VAV2: variants seen among roughly 807,000 people sequenced by gnomAD.
VAV2 encodes vav guanine nucleotide exchange factor 2.
A neutral mutation model predicts 132.5 loss-of-function variants in VAV2; 67 were observed. That is an observed-to-expected ratio of 0.51 (90% CI 0.42 to 0.62). The LOEUF (loss-of-function observed/expected upper bound fraction) is 0.62. Among genes scored for constraint, VAV2 ranks in the 20% least tolerant of loss-of-function variants. VAV2 has a pLI of 0.00. For missense variants in VAV2, 938 were observed against 1,153.6 expected, an observed-to-expected ratio of 0.81 and a Z score of 2.71; for synonymous variants, 492 against 443.5, an observed-to-expected ratio of 1.11 and a Z score of -1.37.
chr9:133,957,408 T>C (rs1030559668), intron 1 of VAV2, among the ~76,000 whole-genome samples: 1 of 152,182 alleles, frequency 6.6e-6, no homozygotes, highest in Non-Finnish European at 1.5e-5. Flanking sequence ...CTCTTGACTC[T>C]GGGTTTTTAG....
intron 20 of VAV2, among the ~76,000 whole-genome samples, chr9:133,780,306 T>C (rs1833963156): frequency 6.6e-6 from 1 of 152,196 alleles, no homozygotes; most frequent in Non-Finnish European, 1.5e-5. Context: ...GGCTGGTTCA[T>C]GTGGACCCCA....
At chr9:133,949,933 C>T (rs1841499411) in intron 1 of VAV2, among the ~76,000 whole-genome samples, 1 of 152,240 alleles carries the variant, frequency 6.6e-6, no homozygotes, top group African/African-American at 2.4e-5. Flanking sequence ...TCCTGTGCAG[C>T]CTGATTTCCA....
At chr9:133,774,699 C>CA (rs1564332362) in intron 25 of VAV2, among the ~76,000 whole-genome samples, 1 of 152,194 alleles carries the variant, frequency 6.6e-6, no homozygotes, top group East Asian at 1.9e-4. Context: ...ACAGGGCAGC[C>CA]AGGAGTGATG....
At position 133,766,759 on chromosome 9, in the gene VAV2, A is replaced by AATAAAT. The variant is rs1554767605; in HGVS notation, c.2589+1682_2589+1683insATTTAT. On this transcript the variant is annotated intron_variant, in intron 29 of 29. Coordinates refer to ENST00000371850, the MANE Select transcript of VAV2 (RefSeq NM_001134398.2). The stretch of plus-strand genomic sequence containing the variant: ...TACCCTAGAACTTAAAGTATAAATA[A>AATAAAT]ATATATATATATATATATATATATA... Among the ~76,000 whole-genome samples, 85 of 112,110 alleles carry AATAAAT rather than the reference A, an allele frequency of 7.6e-4. 1 individual carries two copies. Among genetic ancestry groups the AATAAAT allele is most frequent in the South Asian group, 1.2e-3 (4 of 3,406 alleles). 73.5% of individuals were successfully genotyped at this position (112,110 alleles called of 152,430 possible). A position where few individuals can be genotyped will look rare whatever the true frequency, so the allele number is the denominator to read the frequency against.
At chr9:133,895,210 T>C (rs538286666) in intron 2 of VAV2, among the ~76,000 whole-genome samples, 1 of 152,054 alleles carries the variant, frequency 6.6e-6, no homozygotes, top group South Asian at 2.1e-4. Flanking sequence ...GGCTGGGCTC[T>C]ATGGAGATCT....
At chr9:133,806,787 A>G (rs1835165357) in intron 8 of VAV2, among the ~76,000 whole-genome samples, 1 of 152,216 alleles carries the variant, frequency 6.6e-6, no homozygotes, top group Non-Finnish European at 1.5e-5. Flanking sequence ...CAGGAGCAGC[A>G]TGTCCCCGGA....
intron 1 of VAV2, among the ~76,000 whole-genome samples, chr9:133,968,097 A>G (rs1842207651): frequency 6.6e-6 from 1 of 152,172 alleles, no homozygotes. Context: ...GGGGGCAAAC[A>G]TGCAATTAGA....
intron 4 of VAV2, among the ~76,000 whole-genome samples, chr9:133,814,401 C>T (rs1835476121): frequency 6.6e-6 from 1 of 152,210 alleles, no homozygotes; most frequent in South Asian, 2.1e-4. Context: ...CGTCACGTGG[C>T]AGAGCGAGGC....
chr9:133,786,208 CGT>C (rs1310668983), intron 16 of VAV2, among the ~76,000 whole-genome samples: 25 of 152,342 alleles, frequency 1.6e-4, no homozygotes, highest in African/African-American at 4.1e-4. Context: ...TGCCTGCACG[CGT>C]GTCTATGCGT....
chr9:133,900,059 C>T (rs1839381508), intron 2 of VAV2, among the ~76,000 whole-genome samples: 1 of 150,318 alleles, frequency 6.7e-6, no homozygotes, highest in African/African-American at 2.4e-5. Context: ...AATAGCTGGG[C>T]ATAGTGGCAC....
At chr9:133,876,537 C>T (rs975837718) in intron 2 of VAV2, among the ~76,000 whole-genome samples, 17 of 152,248 alleles carry the variant, frequency 1.1e-4, no homozygotes, top group African/African-American at 4.1e-4. Context: ...CACAGGGGAC[C>T]AAAGAGCGGA....
intron 23 of VAV2, among the ~76,000 whole-genome samples, chr9:133,776,585 TA>T (rs1230820758): frequency 1.7e-4 from 26 of 152,178 alleles, no homozygotes; most frequent in African/African-American, 5.1e-4. Context: ...CCTCGCACCC[TA>T]TTCACCATGC....
At chr9:133,856,455 GCCCCCCACCGGGACCCCA>G in intron 3 of VAV2, among the ~76,000 whole-genome samples, 1 of 151,492 alleles carries the variant, frequency 6.6e-6, no homozygotes, top group African/African-American at 2.4e-5. Flanking sequence ...GCTGGTATGT[GCCCCCCACCGGGACCCCA>G]TGCTGGTATG....
intron 2 of VAV2, among the ~76,000 whole-genome samples, chr9:133,915,136 G>A (rs1840031338): frequency 6.6e-6 from 1 of 152,102 alleles, no homozygotes; most frequent in African/African-American, 2.4e-5. Flanking sequence ...CCTGGCTCAG[G>A]GAGTTCACAC....
intron 9 of VAV2, among the ~76,000 whole-genome samples, chr9:133,800,432 T>C (rs932668160): frequency 1.3e-5 from 2 of 152,170 alleles, no homozygotes; most frequent in African/African-American, 4.8e-5. Flanking sequence ...CGAGGGGTCC[T>C]GCCCGCATGG....
chr9:133,950,144 A>G (rs868863798), intron 1 of VAV2, among the ~76,000 whole-genome samples: 2 of 152,248 alleles, frequency 1.3e-5, no homozygotes, highest in Non-Finnish European at 2.9e-5. Flanking sequence ...CTGGCTGCCC[A>G]GCAACCCCTG....
At position 133,968,272 on chromosome 9, in the gene VAV2, T is replaced by C. The variant is rs149395671; in HGVS notation, c.204+23803A>G. On this transcript the variant is annotated intron_variant, in intron 1 of 29. Coordinates refer to ENST00000371850, the MANE Select transcript of VAV2 (RefSeq NM_001134398.2). ...CATCCTAATGACCCTCATTTCATCATTACACACGGTATATGTGTATTAAAG... is the reference window on the plus strand; with the variant it reads ...CATCCTAATGACCCTCATTTCATCACTACACACGGTATATGTGTATTAAAG... Among the ~76,000 whole-genome samples the C allele has an allele frequency of 1.2e-4, 19 of 152,260 alleles. 1 individual carries two copies. The highest frequency in any genetic ancestry group is 3.4e-3 in the Middle Eastern group (1 of 294).
At position 133,824,287 on chromosome 9, in the gene VAV2, C is replaced by T. The variant is rs1021786950; in HGVS notation, c.449+9985G>A. Among the ~76,000 whole-genome samples the T allele has an allele frequency of 3.9e-5, 6 of 152,210 alleles. No homozygotes were observed. The highest frequency in any genetic ancestry group is 7.2e-5 in the African/African-American group (3 of 41,526). On this transcript the variant is annotated intron_variant, in intron 4 of 29. Coordinates refer to ENST00000371850, the MANE Select transcript of VAV2 (RefSeq NM_001134398.2). The surrounding 1 kb of genome is among the most constrained non-coding windows in gnomAD (Gnocchi z 5.2). ...ACTGGGCTTGTCTAGACCACAGGAG[C>T]GAGAAAGGCTGGACTGCCTACAGAG...
chr9:133,872,488 T>G (rs906398825), intron 2 of VAV2, among the ~76,000 whole-genome samples: 9 of 148,010 alleles, frequency 6.1e-5, no homozygotes, highest in African/African-American at 2.1e-4. Context: ...AACCAGCATG[T>G]GGGGGCACAG....
Sources: gnomAD v4.1 joint callset for allele counts (sites outside exome capture counted in the v4.1 genomes callset) on GRCh38, gnomAD v4.1.1 for gene constraint, Gnocchi (gnomAD v3.1) non-coding constraint, MANE v1.5 for transcripts, NCBI Gene and HGNC (gene_info 2026-07-23, HGNC 2026-07-21) for gene names.